Variants in SAMD9 observed in about 807,000 individuals in gnomAD.
The protein encoded by SAMD9 is sterile alpha motif domain-containing protein 9.
A neutral mutation model predicts 1.5 loss-of-function variants in SAMD9; 3 were observed. That is an observed-to-expected ratio of 2.05 (90% confidence interval 0.93 to 5.29). SAMD9 has a LOEUF of 5.29. Among genes scored for constraint, SAMD9 ranks in the 30% most tolerant of loss-of-function variants. The pLI is 0.02. For synonymous variants in SAMD9, 635 were observed against 631.9 expected, an observed-to-expected ratio of 1.00 and a Z score of -0.07; for missense variants, 1,597 against 1,820.8, an observed-to-expected ratio of 0.88 and a Z score of 2.24.
At position 93,102,223 on chromosome 7, in the gene SAMD9, G is replaced by A; in HGVS notation, c.3875C>T (p.Thr1292Ile). Reference sequence around the variant, plus strand: ...AAAATATCCAGCCACCTTTCTCCGAGTTTTGGCCTCTTCATTTTGCTTAAT... The same window carrying A: ...AAAATATCCAGCCACCTTTCTCCGAATTTTGGCCTCTTCATTTTGCTTAAT... ...NNIKQNEEAK[T>I]RRKVAGYFKK... is the part of the protein sequence containing the mutation. The change falls in exon 3 of 3, where the codon ACT (threonine) becomes ATT (isoleucine). Residue 1292 changes from threonine (T) to isoleucine (I), a missense_variant. Thr to Ile is a moderately conservative substitution (Grantham distance 89). Transcript: ENST00000379958. 1 of 1,613,642 alleles carries A rather than the reference G, an allele frequency of 6.2e-7. No homozygotes were observed. The highest frequency in any genetic ancestry group is 8.5e-7 in the Non-Finnish European group (1 of 1,179,710).
rs2116412255 is a variant in SAMD9, at chr7:93,101,641, C to G, written c.4457G>C (p.Gly1486Ala). Residue 1486 changes from glycine to alanine, a missense_variant, in exon 3 of 3, where the codon GGT becomes GCT. Transcript: ENST00000379958. ...GTGAACAAGTCTTTCCAGTCTTTTA[C>G]CTTTTCCAAGAAAGAAATATGCAAT... ...QPIAYFFLGK[G>A]KRLERLVHKG... 6.2e-7 allele frequency: 1 copy of G among 1,613,798 alleles called. No individual in the cohort carries two copies. Among genetic ancestry groups the G allele is most frequent in the Admixed American group, 1.7e-5 (1 of 59,998 alleles).
chr7:93,106,641 A>G (rs2374627), intron 2 of SAMD9, among the ~76,000 whole-genome samples: 66,267 of 152,104 alleles, frequency 0.44, 17,960 homozygotes, highest in African/African-American at 0.76. Flanking sequence ...TGAGACACAC[A>G]TGAAGCATTT....
At position 93,116,652 on chromosome 7, in the gene SAMD9, A is replaced by G. The variant is rs557435487; in HGVS notation, c.-110+1211T>C. ...ACCCTCTCGTTCCAAAATGTTTTTT[A>G]GGTAATTTAGAAAGTAATATAGGAT... On this transcript the variant is annotated intron_variant, in intron 1 of 2. Coordinates refer to ENST00000379958, the MANE Select transcript of SAMD9 (RefSeq NM_017654.4). Among the ~76,000 whole-genome samples the G allele has an allele frequency of 2.0e-5, 3 of 152,352 alleles. No individual in the cohort carries two copies. In the South Asian group the frequency reaches 6.2e-4, roughly 32 times the overall value.
Position 93,105,707 on chromosome 7 carries a change from T to C in SAMD9, c.391A>G (p.Thr131Ala). 6.2e-7 allele frequency: 1 copy of C among 1,614,114 alleles called. No individual in the cohort carries two copies. Among genetic ancestry groups the C allele is most frequent in the Non-Finnish European group, 8.5e-7 (1 of 1,179,994 alleles). ...DMANPSAMST[T>A]AKGSKSLKVE... Reference sequence around the variant, plus strand: ...TTTAGTGACTTAGAACCTTTAGCAGTTGTACTCATTGCAGACGGATTAGCC... The same window carrying C: ...TTTAGTGACTTAGAACCTTTAGCAGCTGTACTCATTGCAGACGGATTAGCC... Residue 131 changes from threonine (T) to alanine (A), a missense_variant, in exon 3 of 3, where the codon ACT becomes GCT. By Grantham distance (58) the Thr-to-Ala change is moderately conservative. Around this residue, in one of 6 missense-constraint regions of SAMD9, gnomAD observed 498 missense variants for 457.4 expected, o/e 1.09. Coordinates refer to ENST00000379958, the MANE Select transcript of SAMD9 (RefSeq NM_017654.4).
Position 93,102,072 on chromosome 7 carries a change from G to C in SAMD9, c.4026C>G (p.Asp1342Glu). 1 of 1,613,106 alleles carries C rather than the reference G, an allele frequency of 6.2e-7. No individual in the cohort carries two copies. Among genetic ancestry groups the C allele is most frequent in the Admixed American group, 1.7e-5 (1 of 59,996 alleles). The change falls in exon 3 of 3, where the codon GAC becomes GAG. Residue 1342 changes from aspartate to glutamate, a missense_variant. Around this residue, in one of 6 missense-constraint regions of SAMD9, gnomAD observed 682 missense variants for 810.0 expected, o/e 0.84. Coordinates refer to ENST00000379958, the MANE Select transcript of SAMD9 (RefSeq NM_017654.4). ...GATATTCCAAGAGCCCAGAAAACTT[G>C]TCTGCTTTTAAAGCTACTAGGTTTC... is the stretch of plus-strand genomic sequence containing the variant. The part of the protein sequence containing the change: ...CRRNLVALKA[D>E]KFSGLLEYLI...
In SAMD9 at chr7:93,104,088, AT is replaced by A. The variant is rs1791586717; in HGVS notation, c.2009del (p.Asn670IlefsTer48). On this transcript the variant is annotated frameshift_variant, in exon 3 of 3. Coordinates refer to ENST00000379958, the MANE Select transcript of SAMD9 (RefSeq NM_017654.4). LOFTEE classifies it low-confidence loss of function (END_TRUNC). ...TTGATGCCTTGAATTCAAGGAATTT[AT>A]TTTTGTCCTTCTCTAACAGTGTACC... is the stretch of plus-strand genomic sequence containing the variant. ...CEGTLLEKDK[N>X]KFLEFKASKE... The A allele has an allele frequency of 6.2e-7, 1 of 1,613,894 alleles. No homozygotes were observed. The highest frequency in any genetic ancestry group is 8.5e-7 in the Non-Finnish European group (1 of 1,179,834).
At chr7:93,108,260 TC>T (rs1363535621) in intron 2 of SAMD9, among the ~76,000 whole-genome samples, 3 of 152,032 alleles carry the variant, frequency 2.0e-5, no homozygotes, top group Admixed American at 1.3e-4. Context: ...CCTTCAGCCG[TC>T]CTCCCTTCAC....
In SAMD9 at chr7:93,105,531, A is replaced by C; in HGVS notation, c.567T>G (p.Asn189Lys). 6.2e-7 allele frequency: 1 copy of C among 1,614,066 alleles called. No homozygotes were observed. The change falls in exon 3 of 3, where the codon AAT (asparagine) becomes AAG (lysine). Residue 189 changes from asparagine (N) to lysine (K), a missense_variant. By Grantham distance (94) the Asn-to-Lys change is moderately conservative (BLOSUM62 0). This residue lies in a region of SAMD9 where 498 missense variants were observed against 457.4 expected (regional missense o/e 1.09). Transcript: ENST00000379958. ...TGAATTCATGTATCGGATCAATGAG[A>C]TTGCCTGGTCCTGTTTCAGGCTGTA... The part of the protein sequence containing the change: ...FSLQPETGPG[N>K]LIDPIHEFKA...
In SAMD9 at chr7:93,105,788, T is replaced by A. The variant is rs748895679; in HGVS notation, c.310A>T (p.Lys104Ter). ...TGCTTTGAAGTTTCTCTACGTTCCT[T>A]TTGAGACACAGTTTGGTCTTTAGGA... Reference protein sequence around the residue: ...NAPKDQTVSQKERRETSKQKQ... With the variant: ...NAPKDQTVSQ Residue 104 changes from lysine to a stop codon, truncating the protein, a stop_gained, in exon 3 of 3, where the codon AAG becomes TAG. Coordinates refer to ENST00000379958, the MANE Select transcript of SAMD9 (RefSeq NM_017654.4). LOFTEE classifies it low-confidence loss of function (END_TRUNC). 6.2e-7 allele frequency: 1 copy of A among 1,614,166 alleles called. No homozygotes were observed. Among genetic ancestry groups the A allele is most frequent in the Non-Finnish European group, 8.5e-7 (1 of 1,180,018 alleles).
rs767794991 is a variant in SAMD9, at chr7:93,105,942, T to C, written c.156A>G (p.Glu52=). The change falls in exon 3 of 3, where the codon GAA becomes GAG. Residue 52 remains glutamate, a synonymous_variant. Transcript: ENST00000379958. Reference sequence around the variant, plus strand: ...GTGTGATGCCCATATCAACAAGATGTTCTTTTTTTAACCACTTCAAGACTG... The same window carrying C: ...GTGTGATGCCCATATCAACAAGATGCTCTTTTTTTAACCACTTCAAGACTG... ...NGAVLKWLKK[E]HLVDMGITHG... 6 of 1,611,968 alleles carry C rather than the reference T, an allele frequency of 3.7e-6. No individual in the cohort carries two copies. The highest frequency in any genetic ancestry group is 3.4e-6 in the Non-Finnish European group (4 of 1,178,996).
intron 2 of SAMD9, among the ~76,000 whole-genome samples, chr7:93,113,848 G>C (rs993856472): frequency 2.0e-5 from 3 of 152,306 alleles, no homozygotes; most frequent in African/African-American, 7.2e-5. Flanking sequence ...TACACTGTTG[G>C]TGGGACTGTA....
In SAMD9 at chr7:93,104,458, G is replaced by C. The variant is rs1328573156; in HGVS notation, c.1640C>G (p.Ser547Cys). Reference sequence around the variant, plus strand: ...GGGATCTCTTGGGTCATCCACAGAGGACAGTAATAGAAATACCACCAAAAA... The same window carrying C: ...GGGATCTCTTGGGTCATCCACAGAGCACAGTAATAGAAATACCACCAAAAA... ...GKFLVVFLLL[S>C]SVDDPRDPLI... The change falls in exon 3 of 3, where the codon TCC becomes TGC. Residue 547 changes from serine to cysteine, a missense_variant. By Grantham distance (112) the Ser-to-Cys change is moderately radical. This residue lies in a region of SAMD9 where 358 missense variants were observed against 460.4 expected (regional missense o/e 0.78). Coordinates refer to ENST00000379958, the MANE Select transcript of SAMD9 (RefSeq NM_017654.4). The C allele has an allele frequency of 6.2e-7, 1 of 1,613,948 alleles. No homozygotes were observed. Among genetic ancestry groups the C allele is most frequent in the South Asian group, 1.1e-5 (1 of 91,074 alleles).
chr7:93,115,711 C>T (rs959222026), intron 1 of SAMD9, among the ~76,000 whole-genome samples: 18 of 152,014 alleles, frequency 1.2e-4, no homozygotes, highest in African/African-American at 2.9e-4. Context: ...GAAAATAAAA[C>T]GGATGAATAA....
At chr7:93,110,815 A>G (rs1261540433) in intron 2 of SAMD9, among the ~76,000 whole-genome samples, 1 of 152,204 alleles carries the variant, frequency 6.6e-6, no homozygotes, top group African/African-American at 2.4e-5. Flanking sequence ...GCAAGTCCTT[A>G]GAGACCTACA....
At chr7:93,113,113 C>A (rs866347725) in intron 2 of SAMD9, among the ~76,000 whole-genome samples, 2 of 152,180 alleles carry the variant, frequency 1.3e-5, no homozygotes, top group South Asian at 2.1e-4. Flanking sequence ...GAGATATAGA[C>A]CAATGGAACA....
chr7:93,106,949 A>T (rs1040246001), intron 2 of SAMD9, among the ~76,000 whole-genome samples: 1 of 152,094 alleles, frequency 6.6e-6, no homozygotes, highest in Non-Finnish European at 1.5e-5. Flanking sequence ...AGATATATTA[A>T]CTTGCACAAC....
chr7:93,103,050 C>T lies in SAMD9; in HGVS notation c.3048G>A (p.Leu1016=). 1 of 1,613,840 alleles carries T rather than the reference C, an allele frequency of 6.2e-7. No individual in the cohort carries two copies. Among genetic ancestry groups the T allele is most frequent in the Non-Finnish European group, 8.5e-7 (1 of 1,179,786 alleles). The part of the protein sequence containing the change: ...QIMLDMLTEN[L]FFDTGMGKSK... ...TTTTTCCCATACCAGTATCGAAGAA[C>T]AAATTCTCAGTTAGCATATCCAACA... The change falls in exon 3 of 3, where the codon TTG becomes TTA. Residue 1016 remains leucine, a synonymous_variant. Transcript: ENST00000379958.
At position 93,102,683 on chromosome 7, in the gene SAMD9, C is replaced by T; in HGVS notation, c.3415G>A (p.Gly1139Arg). ...TCAACTGAAATGTTCCCGTTTCCTC[C>T]GTTTTCCTCTATCCACCATCTTATT... Reference protein sequence around the residue: ...SKIRWWIEENGGNGNISVDDL... With the variant: ...SKIRWWIEENRGNGNISVDDL... The change falls in exon 3 of 3, where the codon GGA (glycine) becomes AGA (arginine). Residue 1139 changes from glycine (G) to arginine (R), a missense_variant. Transcript: ENST00000379958. 2 of 1,613,848 alleles carry T rather than the reference C, an allele frequency of 1.2e-6. No individual in the cohort carries two copies. Among genetic ancestry groups the T allele is most frequent in the Non-Finnish European group, 1.7e-6 (2 of 1,179,774 alleles).
intron 2 of SAMD9, among the ~76,000 whole-genome samples, chr7:93,111,628 T>A (rs1350997965): frequency 1.3e-5 from 2 of 152,106 alleles, no homozygotes; most frequent in Non-Finnish European, 1.5e-5. Context: ...AAGGGGATAT[T>A]ACCACCAATG....
Sources: allele counts gnomAD v4.1 joint callset (sites outside exome capture counted in the v4.1 genomes callset), GRCh38; gene constraint gnomAD v4.1.1; regional missense constraint gnomAD v4.1.1; transcripts MANE v1.5; gene names NCBI Gene and HGNC (gene_info 2026-07-23, HGNC 2026-07-21).